Variants in TNFRSF1B observed in about 807,000 individuals in gnomAD.
TNFRSF1B encodes tumor necrosis factor receptor superfamily member 1B.
In TNFRSF1B, 19 loss-of-function variants were observed where a neutral mutation model predicts 44.6. That is an observed-to-expected ratio of 0.43 (90% confidence interval 0.30 to 0.62). The LOEUF (loss-of-function observed/expected upper bound fraction) is 0.62, where lower values mean the gene tolerates loss of function less well. Among genes scored for constraint, TNFRSF1B ranks in the 20% least tolerant of loss-of-function variants. The pLI, the probability that TNFRSF1B is intolerant of heterozygous loss-of-function variation, is 0.16. For synonymous variants in TNFRSF1B, 252 were observed against 261.1 expected (o/e 0.97, Z 0.34); for missense variants, 541 against 619.9 (o/e 0.87, Z 1.35).
At chr1:12,193,293 C>A in intron 6 of TNFRSF1B, 195 bp downstream of exon 6, 1 of 700,926 alleles carries the variant, frequency 1.4e-6, no homozygotes, top group Non-Finnish European at 2.6e-6. Flanking sequence ...AGTGCGTGGG[C>A]TGGATGCAGT....
intron 9 of TNFRSF1B, among the ~76,000 whole-genome samples, chr1:12,206,328 A>G (rs1639501018): frequency 1.4e-5 from 2 of 147,958 alleles, no homozygotes; most frequent in Admixed American, 1.4e-4. Flanking sequence ...GAGTTGAGGG[A>G]GTGACACAGC....
intron 8 of TNFRSF1B, among the ~76,000 whole-genome samples, chr1:12,197,765 C>T (rs1639296936): frequency 1.3e-5 from 2 of 152,172 alleles, no homozygotes; most frequent in Admixed American, 6.5e-5. Context: ...TCAGCACCCA[C>T]CTGCTCCTCC....
chr1:12,195,260 C>T (rs540409963), intron 8 of TNFRSF1B, among the ~76,000 whole-genome samples: 1 of 152,346 alleles, frequency 6.6e-6, no homozygotes, highest in East Asian at 1.9e-4. Flanking sequence ...TTCATTCATT[C>T]TCCATCAGGA....
intron 1 of TNFRSF1B, among the ~76,000 whole-genome samples, chr1:12,170,284 G>A (rs1474515388): frequency 6.6e-6 from 1 of 152,180 alleles, no homozygotes; most frequent in Admixed American, 6.5e-5. Flanking sequence ...AATCCTCTAG[G>A]AGCTACACTA....
intron 1 of TNFRSF1B, among the ~76,000 whole-genome samples, chr1:12,174,936 C>G (rs1638618037): frequency 6.6e-6 from 1 of 152,226 alleles, no homozygotes; most frequent in Admixed American, 6.5e-5. Flanking sequence ...GCAGAAATCA[C>G]CAGGAGCATT....
chr1:12,204,726 A>G (rs769186304), intron 9 of TNFRSF1B, among the ~76,000 whole-genome samples: 5 of 152,184 alleles, frequency 3.3e-5, no homozygotes, highest in Admixed American at 1.3e-4. Flanking sequence ...GGAAGCCATA[A>G]ATCCAGATTT....
Position 12,169,255 on chromosome 1 carries a change from A to G in TNFRSF1B, c.78+2086A>G, listed in dbSNP as rs971794117. Among the ~76,000 whole-genome samples the G allele has an allele frequency of 2.0e-5, 3 of 152,238 alleles. No individual in the cohort carries two copies. The highest frequency in any genetic ancestry group is 2.9e-5 in the Non-Finnish European group (2 of 68,042). ...GTGGATGGAAGGTGTCTTCAGGGCC[A>G]GAACTGTGGGTTCCTCTTCCTTCTC... is the stretch of plus-strand genomic sequence containing the variant. On this transcript the variant is annotated intron_variant, in intron 1 of 9. Transcript: ENST00000376259. The surrounding 1 kb of genome is among the most constrained non-coding windows in gnomAD (Gnocchi z 4.5).
intron 1 of TNFRSF1B, among the ~76,000 whole-genome samples, chr1:12,174,148 T>TCTCCTTCTC (rs56695784): frequency 5.9e-4 from 48 of 81,854 alleles, no homozygotes; most frequent in Admixed American, 2.3e-3. Flanking sequence ...TTCTTCTTCT[T>TCTCCTTCTC]CTTCTTCTTC....
intron 8 of TNFRSF1B, among the ~76,000 whole-genome samples, chr1:12,198,283 C>T (rs938709915): frequency 2.0e-5 from 3 of 152,164 alleles, no homozygotes; most frequent in African/African-American, 7.2e-5. Flanking sequence ...ATTCTCACAG[C>T]CATGCTGCCA....
At chr1:12,167,357 G>C in intron 1 of TNFRSF1B, 188 bp downstream of exon 1, 1 of 408,602 alleles carries the variant, frequency 2.4e-6, no homozygotes, top group Non-Finnish European at 4.3e-6. Context: ...GGGACTCCGG[G>C]CCCGGCACAC....
chr1:12,176,133 C>T (rs1426503290), intron 1 of TNFRSF1B, among the ~76,000 whole-genome samples: 1 of 152,010 alleles, frequency 6.6e-6, no homozygotes, highest in Non-Finnish European at 1.5e-5. Context: ...GTATGAGAAT[C>T]ACTTGAACCC....
chr1:12,167,252 C>A, intron 1 of TNFRSF1B, 83 bp downstream of exon 1: 1 of 1,066,572 alleles, frequency 9.4e-7, no homozygotes, highest in Non-Finnish European at 1.2e-6. Flanking sequence ...GCCCGGGCCG[C>A]GCTCTCCCGG....
chr1:12,178,409 C>T lies in TNFRSF1B; in HGVS notation c.79-10387C>T, dbSNP rs937415864. ...CCTGTGAAGGGGGCACTGTTTCTGT[C>T]GCCATTTTATAGATGATAAAGTGGA... On this transcript the variant is annotated intron_variant, in intron 1 of 9. Coordinates refer to ENST00000376259, the MANE Select transcript of TNFRSF1B (RefSeq NM_001066.3). This position sits in a 1 kb window ranked among gnomAD's most constrained non-coding sequence, Gnocchi z 4.3. Among the ~76,000 whole-genome samples, 15 of 152,176 alleles carry T rather than the reference C, an allele frequency of 9.9e-5. No individual in the cohort carries two copies. Among genetic ancestry groups the T allele is most frequent in the African/African-American group, 3.1e-4 (13 of 41,500 alleles).
At position 12,199,816 on chromosome 1, in the gene TNFRSF1B, C is replaced by T. The variant is rs1639348770; in HGVS notation, c.901-2151C>T. ...TCATCTCTACCCTCCTTCTTTCTGC[C>T]TGGGACACTTGTTTTCATCCTGGGC... On this transcript the variant is annotated intron_variant, in intron 8 of 9. Coordinates refer to ENST00000376259, the MANE Select transcript of TNFRSF1B (RefSeq NM_001066.3). This position sits in a 1 kb window ranked among gnomAD's most constrained non-coding sequence, Gnocchi z 4.0. Among the ~76,000 whole-genome samples, 1 of 152,246 alleles carries T rather than the reference C, an allele frequency of 6.6e-6. No homozygotes were observed. The highest frequency in any genetic ancestry group is 2.1e-4 in the South Asian group (1 of 4,830).
At position 12,186,691 on chromosome 1, in the gene TNFRSF1B, G is replaced by A. The variant is rs559533579; in HGVS notation, c.79-2105G>A. 3.9e-5 allele frequency among the ~76,000 whole-genome samples: 6 copies of A among 152,344 alleles called. No homozygotes were observed. In the East Asian group the frequency reaches 1.2e-3, roughly 29 times the overall value. ...ACTAAAGGTTATGGATCTCGATCTT[G>A]TACTGGCCACATGACTGCAGCTGGC... On this transcript the variant is annotated intron_variant, in intron 1 of 9. Transcript: ENST00000376259. This position sits in a 1 kb window ranked among gnomAD's most constrained non-coding sequence, Gnocchi z 4.8.
In TNFRSF1B at chr1:12,199,882, C is replaced by T. The variant is rs1639349997; in HGVS notation, c.901-2085C>T. ...GCAGCTGTTGGGAATGTGGCCTGTGCCATCTCCTTTTTTGCTGGGATCAGA... is the reference window on the plus strand; with the variant it reads ...GCAGCTGTTGGGAATGTGGCCTGTGTCATCTCCTTTTTTGCTGGGATCAGA... On this transcript the variant is annotated intron_variant, in intron 8 of 9. Coordinates refer to ENST00000376259, the MANE Select transcript of TNFRSF1B (RefSeq NM_001066.3). This position sits in a 1 kb window ranked among gnomAD's most constrained non-coding sequence, Gnocchi z 4.0. 6.6e-6 allele frequency among the ~76,000 whole-genome samples: 1 copy of T among 152,160 alleles called. No individual in the cohort carries two copies. The highest frequency in any genetic ancestry group is 1.5e-5 in the Non-Finnish European group (1 of 68,036).
chr1:12,170,727 A>G (rs1342394637), intron 1 of TNFRSF1B, among the ~76,000 whole-genome samples: 1 of 152,110 alleles, frequency 6.6e-6, no homozygotes, highest in Non-Finnish European at 1.5e-5. Context: ...CAGTGGCGAC[A>G]TCTCTGCTCA....
chr1:12,193,129 CCTT>C (rs746585421), intron 6 of TNFRSF1B, 31 bp downstream of exon 6: 37 of 1,544,976 alleles, frequency 2.4e-5, no homozygotes, highest in Admixed American at 1.1e-4. Context: ...TTCATTCACT[CCTT>C]CTGTCTGCCT....
At position 12,178,501 on chromosome 1, in the gene TNFRSF1B, G is replaced by T. The variant is rs904050509; in HGVS notation, c.79-10295G>T. Among the ~76,000 whole-genome samples, 1 of 152,190 alleles carries T rather than the reference G, an allele frequency of 6.6e-6. No homozygotes were observed. The highest frequency in any genetic ancestry group is 2.4e-5 in the African/African-American group (1 of 41,440). ...GTGTCTGGCTCAGCGCCCATACAAG[G>T]GTGTCAAGGTTGCGGGGAGGCACGA... On this transcript the variant is annotated intron_variant, in intron 1 of 9. Transcript: ENST00000376259. The surrounding 1 kb of genome is among the most constrained non-coding windows in gnomAD (Gnocchi z 4.3).
Sources: gnomAD v4.1 joint callset for allele counts (sites outside exome capture counted in the v4.1 genomes callset) on GRCh38, gnomAD v4.1.1 for gene constraint, Gnocchi (gnomAD v3.1) non-coding constraint, MANE v1.5 for transcripts, NCBI Gene and HGNC (gene_info 2026-07-23, HGNC 2026-07-21) for gene names.